Variants in EPHA6 observed in about 807,000 individuals in gnomAD.
EPHA6 encodes ephrin type-A receptor 6.
EPHA6 carries 50 observed loss-of-function variants against 112.0 expected under a neutral mutation model. The ratio of observed to expected loss-of-function variants is 0.45; its 90% confidence interval spans 0.36 to 0.56. The LOEUF (loss-of-function observed/expected upper bound fraction) is 0.56, where lower values mean the gene tolerates loss of function less well. Ranked by LOEUF, EPHA6 falls within the 20% of genes least tolerant of loss-of-function variation. The pLI is 0.00. For missense variants in EPHA6, 1,280 were observed against 1,417.4 expected (o/e 0.90, Z 1.56); for synonymous variants, 529 against 490.7 (o/e 1.08, Z -1.03).
At chr3:97,182,489 A>T (rs1344433304) in intron 3 of EPHA6, among the ~76,000 whole-genome samples, 1 of 151,956 alleles carries the variant, frequency 6.6e-6, no homozygotes, top group Non-Finnish European at 1.5e-5. Context: ...GGTTCCTTGC[A>T]ATTGACTCTT....
chr3:96,987,374 C>T lies in EPHA6; in HGVS notation c.495C>T (p.His165=). ...TEMDEHNRPI[H]TYQVCNVMEP... is the part of the protein sequence containing the mutation. Reference sequence around the variant, plus strand: ...TGGATGAACATAATAGGCCCATTCACACATACCAGGTATGTAATGTAATGG... The same window carrying T: ...TGGATGAACATAATAGGCCCATTCATACATACCAGGTATGTAATGTAATGG... The change falls in exon 3 of 18, where the codon CAC becomes CAT. Residue 165 remains histidine, a synonymous_variant. Coordinates refer to ENST00000389672, the MANE Select transcript of EPHA6 (RefSeq NM_001080448.3). 2 of 1,613,626 alleles carry T rather than the reference C, an allele frequency of 1.2e-6. No individual in the cohort carries two copies. The highest frequency in any genetic ancestry group is 2.7e-5 in the African/African-American group (2 of 75,016).
chr3:97,071,366 T>C (rs980039905), intron 3 of EPHA6, among the ~76,000 whole-genome samples: 2 of 152,032 alleles, frequency 1.3e-5, no homozygotes, highest in African/African-American at 4.8e-5. Context: ...TTTATTTTAA[T>C]TTTGTGTTAG....
intron 3 of EPHA6, among the ~76,000 whole-genome samples, chr3:97,189,056 T>C (rs778770359): frequency 8.6e-5 from 13 of 151,994 alleles, no homozygotes; most frequent in Non-Finnish European, 1.9e-4. Flanking sequence ...GCAATGGTGA[T>C]AGTTATCTGC....
intron 2 of EPHA6, among the ~76,000 whole-genome samples, chr3:96,966,858 A>G (rs974667194): frequency 1.3e-5 from 2 of 151,870 alleles, no homozygotes; most frequent in Admixed American, 6.6e-5. Context: ...TTTACTTTAA[A>G]TTTTGTCCTA....
intron 5 of EPHA6, among the ~76,000 whole-genome samples, chr3:97,376,056 C>A (rs1264272321): frequency 2.0e-5 from 3 of 151,964 alleles, no homozygotes; most frequent in Admixed American, 2.0e-4. Context: ...TGCAGTTGTA[C>A]CATAAAAGCC....
intron 1 of EPHA6, 80 bp from the exon 2 acceptor site, chr3:96,866,745 T>C (rs961623641): frequency 6.5e-6 from 5 of 763,360 alleles, no homozygotes; most frequent in Non-Finnish European, 8.0e-6. Flanking sequence ...TTAATGATTT[T>C]TATTATAACT....
intron 5 of EPHA6, among the ~76,000 whole-genome samples, chr3:97,364,370 TA>T (rs1265742254): frequency 6.6e-6 from 1 of 150,746 alleles, no homozygotes. Context: ...ACATTTGACA[TA>T]AACAGTAATT....
intron 13 of EPHA6, chr3:97,612,586 T>G: frequency 4.7e-6 from 1 of 214,044 alleles, no homozygotes; most frequent in Non-Finnish European, 9.7e-6. Flanking sequence ...GATTTACTTC[T>G]AAACATCTTA....
At chr3:96,985,978 C>T (rs1250897048) in intron 2 of EPHA6, among the ~76,000 whole-genome samples, 1 of 151,988 alleles carries the variant, frequency 6.6e-6, no homozygotes, top group African/African-American at 2.4e-5. Context: ...ACCAATAGAA[C>T]CCTTATTCAC....
At chr3:97,622,237 C>T (rs1330291955) in intron 13 of EPHA6, among the ~76,000 whole-genome samples, 5 of 151,648 alleles carry the variant, frequency 3.3e-5, no homozygotes, top group Non-Finnish European at 7.4e-5. Context: ...TCTTTAAAAT[C>T]ATTAAACTCC....
chr3:97,368,390 T>G (rs2084859108), intron 5 of EPHA6, among the ~76,000 whole-genome samples: 1 of 152,178 alleles, frequency 6.6e-6, no homozygotes, highest in Admixed American at 6.5e-5. Flanking sequence ...TACTTCATCG[T>G]GTATAAATTT....
At chr3:96,948,963 T>C (rs768843935) in intron 2 of EPHA6, among the ~76,000 whole-genome samples, 26 of 152,286 alleles carry the variant, frequency 1.7e-4, no homozygotes, top group Non-Finnish European at 3.2e-4. Flanking sequence ...TTGGAGGTTA[T>C]GCCGTGGAGT....
intron 3 of EPHA6, among the ~76,000 whole-genome samples, chr3:97,210,651 G>T (rs1333176241): frequency 1.3e-5 from 2 of 152,122 alleles, no homozygotes; most frequent in Non-Finnish European, 1.5e-5. Context: ...GGTTAGAATG[G>T]ACCTCTGTCT....
chr3:97,410,806 C>T (rs1355490917), intron 6 of EPHA6, among the ~76,000 whole-genome samples: 1 of 152,006 alleles, frequency 6.6e-6, no homozygotes. Context: ...TTTTCCTTCA[C>T]CTCATTTAAT....
Position 97,388,407 on chromosome 3 carries a change from C to T in EPHA6, c.1607-16743C>T, listed in dbSNP as rs141011609. 7.5e-3 allele frequency among the ~76,000 whole-genome samples: 1,141 copies of T among 151,714 alleles called. 14 individuals carry two copies. The highest frequency in any genetic ancestry group is 0.027 in the African/African-American group (1,098 of 41,330). On this transcript the variant is annotated intron_variant, in intron 5 of 17. Transcript: ENST00000389672. ...AAATAGAGTTTTACTTCTATATGTACAAAGGTGTTCACAGAGAAATGGGAC... is the reference window on the plus strand; with the variant it reads ...AAATAGAGTTTTACTTCTATATGTATAAAGGTGTTCACAGAGAAATGGGAC...
At chr3:97,117,366 T>G (rs1011810808) in intron 3 of EPHA6, among the ~76,000 whole-genome samples, 3 of 151,822 alleles carry the variant, frequency 2.0e-5, no homozygotes, top group Non-Finnish European at 4.4e-5. Context: ...TTGTCTTTTG[T>G]GTTTTTGAGG....
At chr3:97,269,109 C>T (rs2079795416) in intron 5 of EPHA6, among the ~76,000 whole-genome samples, 1 of 152,124 alleles carries the variant, frequency 6.6e-6, no homozygotes, top group Non-Finnish European at 1.5e-5. Flanking sequence ...CCCGGGGAGC[C>T]ACCACTCCCT....
rs752331069 is a variant in EPHA6 at position 97,023,659 on chromosome 3, A to AT, written c.1114+35679dup. ...ATGACCTTTAGAAGTAAAATGTTAA[A>AT]TTTTTTTTTTTTTACTATTTTACAA... is the stretch of plus-strand genomic sequence containing the variant. On this transcript the variant is annotated intron_variant, in intron 3 of 17. Coordinates refer to ENST00000389672, the MANE Select transcript of EPHA6 (RefSeq NM_001080448.3). 2.4e-3 allele frequency among the ~76,000 whole-genome samples: 355 copies of AT among 146,074 alleles called. 1 individual carries two copies. The highest frequency in any genetic ancestry group is 5.5e-3 in the African/African-American group (221 of 40,106).
intron 11 of EPHA6, among the ~76,000 whole-genome samples, chr3:97,564,921 A>G (rs1410253095): frequency 1.3e-5 from 2 of 152,124 alleles, no homozygotes; most frequent in East Asian, 3.8e-4. Context: ...TAGCAGAAAA[A>G]ACTTAAAAAT....
Sources: gnomAD v4.1 joint callset for allele counts (sites outside exome capture counted in the v4.1 genomes callset) on GRCh38, gnomAD v4.1.1 for gene constraint, MANE v1.5 for transcripts, NCBI Gene and HGNC (gene_info 2026-07-23, HGNC 2026-07-21) for gene names.